Variants in ZNF423 observed in about 807,000 individuals in gnomAD.
ZNF423 encodes zinc finger protein 423.
ZNF423 carries 12 observed loss-of-function variants against 95.8 expected under a neutral mutation model. That is an observed-to-expected ratio of 0.13 (90% CI 0.08 to 0.20). ZNF423 has a LOEUF of 0.20. ZNF423 is among the 10% of genes least tolerant of loss of function. The pLI is 1.00. For synonymous variants in ZNF423, 749 were observed against 711.9 expected, an observed-to-expected ratio of 1.05 and a Z score of -0.83; for missense variants, 1,316 against 1,737.1, an observed-to-expected ratio of 0.76 and a Z score of 4.31.
intron 2 of ZNF423, among the ~76,000 whole-genome samples, chr16:49,736,069 G>A (rs2143443595): frequency 6.6e-6 from 1 of 152,208 alleles, no homozygotes; most frequent in Middle Eastern, 3.4e-3. Flanking sequence ...CCCAACCCTG[G>A]CATACAGAGG....
intron 1 of ZNF423, among the ~76,000 whole-genome samples, chr16:49,837,374 C>T (rs564924069): frequency 7.9e-5 from 12 of 152,304 alleles, no homozygotes; most frequent in African/African-American, 2.9e-4. Flanking sequence ...CCCAGACCCC[C>T]ACAACCTACT....
intron 3 of ZNF423, among the ~76,000 whole-genome samples, chr16:49,642,268 C>A (rs139252372): frequency 6.6e-5 from 10 of 152,262 alleles, no homozygotes; most frequent in African/African-American, 1.9e-4. Flanking sequence ...GCCCCCAGTA[C>A]CAAGCCAGAT....
At chr16:49,718,485 T>C (rs888942830) in intron 3 of ZNF423, among the ~76,000 whole-genome samples, 5 of 152,162 alleles carry the variant, frequency 3.3e-5, no homozygotes, top group Non-Finnish European at 5.9e-5. Context: ...CTTTCATCCG[T>C]TAAGTTTGCT....
chr16:49,846,244 G>A (rs994420727), intron 1 of ZNF423, among the ~76,000 whole-genome samples: 11 of 144,774 alleles, frequency 7.6e-5, no homozygotes, highest in Non-Finnish European at 1.3e-4. Flanking sequence ...GGGCTGCAAT[G>A]AGCCAAGATC....
chr16:49,744,100 G>A (rs970237689), intron 2 of ZNF423, among the ~76,000 whole-genome samples: 8 of 152,076 alleles, frequency 5.3e-5, no homozygotes, highest in African/African-American at 1.7e-4. Flanking sequence ...TCTCCCCACC[G>A]CTTACCCTCA....
Position 49,724,919 on chromosome 16 carries a change from TG to T in ZNF423, c.301+5851del, listed in dbSNP as rs374382948. On this transcript the variant is annotated intron_variant, in intron 3 of 7. Coordinates refer to ENST00000563137, the MANE Select transcript of ZNF423 (RefSeq NM_001379286.1). The stretch of plus-strand genomic sequence containing the variant: ...GCTATTTCAACAAAGTCCCCCCTCT[TG>T]TTTTTTTGGAAGTTGAGCATTCAAA... Among the ~76,000 whole-genome samples the T allele has an allele frequency of 2.5e-4, 38 of 152,332 alleles. No individual in the cohort carries two copies. The South Asian group carries it at 7.7e-3, about 31-fold the overall frequency.
chr16:49,545,795 C>T (rs1969417658), intron 5 of ZNF423, among the ~76,000 whole-genome samples: 1 of 152,196 alleles, frequency 6.6e-6, no homozygotes, highest in African/African-American at 2.4e-5. Flanking sequence ...CCTGGACTAT[C>T]TTGGAGGCAT....
intron 1 of ZNF423, among the ~76,000 whole-genome samples, chr16:49,838,788 A>AGCCGGCCCCCC (rs2035149818): frequency 6.6e-6 from 1 of 151,650 alleles, no homozygotes; most frequent in Non-Finnish European, 1.5e-5. Flanking sequence ...GCGCCTTCCC[A>AGCCGGCCCCCC]GCCGGCCCCC....
intron 5 of ZNF423, among the ~76,000 whole-genome samples, chr16:49,562,375 A>G (rs1302679121): frequency 6.6e-6 from 1 of 152,188 alleles, no homozygotes; most frequent in Non-Finnish European, 1.5e-5. Context: ...GCAAAATAAC[A>G]TCTGTCTCTT....
At chr16:49,679,061 G>T (rs950293720) in intron 3 of ZNF423, among the ~76,000 whole-genome samples, 5 of 152,212 alleles carry the variant, frequency 3.3e-5, no homozygotes, top group Non-Finnish European at 7.3e-5. Flanking sequence ...TCCCATCTCA[G>T]CTTCTCGAAT....
chr16:49,660,526 C>T (rs1235512824), intron 3 of ZNF423, among the ~76,000 whole-genome samples: 1 of 152,192 alleles, frequency 6.6e-6, no homozygotes, highest in Non-Finnish European at 1.5e-5. Context: ...AGTATATAAG[C>T]CTGACCTGAC....
At chr16:49,838,950 C>T (rs931728149) in intron 1 of ZNF423, among the ~76,000 whole-genome samples, 4 of 151,830 alleles carry the variant, frequency 2.6e-5, no homozygotes, top group Admixed American at 1.3e-4. Flanking sequence ...GACAAGGGCC[C>T]GGGAGGGGCT....
intron 5 of ZNF423, among the ~76,000 whole-genome samples, chr16:49,546,191 A>T (rs937703982): frequency 6.6e-6 from 1 of 152,216 alleles, no homozygotes; most frequent in African/African-American, 2.4e-5. Context: ...CACATTGCCC[A>T]GCATCTTGCA....
chr16:49,499,722 C>G (rs937684025), intron 7 of ZNF423, among the ~76,000 whole-genome samples: 1 of 152,108 alleles, frequency 6.6e-6, no homozygotes, highest in African/African-American at 2.4e-5. Context: ...GTTCCATGAG[C>G]AGGAAACTCT....
At chr16:49,829,353 A>G (rs1370262687) in intron 1 of ZNF423, among the ~76,000 whole-genome samples, 2 of 152,216 alleles carry the variant, frequency 1.3e-5, no homozygotes, top group African/African-American at 4.8e-5. Flanking sequence ...AGTCCCCAGC[A>G]GTGTAAACGA....
intron 3 of ZNF423, among the ~76,000 whole-genome samples, chr16:49,639,890 A>G (rs998694349): frequency 6.6e-6 from 1 of 152,222 alleles, no homozygotes; most frequent in African/African-American, 2.4e-5. Flanking sequence ...ACAAAGGCAC[A>G]CAGGACACAG....
chr16:49,751,272 A>G (rs2033629287), intron 2 of ZNF423, among the ~76,000 whole-genome samples: 1 of 152,124 alleles, frequency 6.6e-6, no homozygotes, highest in Non-Finnish European at 1.5e-5. Flanking sequence ...CCCAGGCTGG[A>G]GTGCAGTGGT....
intron 3 of ZNF423, among the ~76,000 whole-genome samples, chr16:49,671,727 A>G (rs139688721): frequency 4.3e-4 from 65 of 152,232 alleles, no homozygotes; most frequent in Middle Eastern, 3.4e-3. Context: ...TCTGTCGCCC[A>G]GGCTGGAGAG....
rs1972695299 is a variant in ZNF423 at position 49,636,215 on chromosome 16, C to T, written c.2961G>A (p.Val987=). ...PSLLTLTEHK[V]THSKSLDTGT... ...CCGTGTCCAGGCTCTTGCTGTGGGT[C>T]ACCTTGTGTTCGGTGAGCGTCAGCA... Residue 987 remains valine, a synonymous_variant, in exon 4 of 8, where the codon GTG becomes GTA. Coordinates refer to ENST00000563137, the MANE Select transcript of ZNF423 (RefSeq NM_001379286.1). This position sits in a 1 kb window ranked among gnomAD's most constrained non-coding sequence, Gnocchi z 8.6. 6.2e-7 allele frequency: 1 copy of T among 1,613,254 alleles called. No individual in the cohort carries two copies. Among genetic ancestry groups the T allele is most frequent in the Middle Eastern group, 1.6e-4 (1 of 6,062 alleles).
Sources: allele counts gnomAD v4.1 joint callset (sites outside exome capture counted in the v4.1 genomes callset), GRCh38; gene constraint gnomAD v4.1.1; non-coding constraint Gnocchi (gnomAD v3.1); transcripts MANE v1.5; gene names NCBI Gene and HGNC (gene_info 2026-07-23, HGNC 2026-07-21).